VPS13B: variants seen among roughly 807,000 people sequenced by gnomAD.
VPS13B encodes the protein vacuolar protein sorting 13 homolog B.
Under a neutral mutation model 426.4 loss-of-function variants are expected in VPS13B, and 285 were observed. That is an observed-to-expected ratio of 0.67 (90% CI 0.61 to 0.74). The LOEUF (loss-of-function observed/expected upper bound fraction) is 0.74, where lower values mean the gene tolerates loss of function less well. Ranked by LOEUF, VPS13B falls within the 30% of genes least tolerant of loss-of-function variation. VPS13B has a pLI of 0.00. For synonymous variants in VPS13B, 1,676 were observed against 1,676.4 expected (o/e 1.00, Z 0.01); for missense variants, 4,537 against 4,782.6 (o/e 0.95, Z 1.51).
At position 99,621,820 on chromosome 8, in the gene VPS13B, CTTTTTTTTTTT is replaced by C. The variant is rs749078781; in HGVS notation, c.5221-19977_5221-19967del. On this transcript the variant is annotated intron_variant, in intron 33 of 61. Transcript: ENST00000357162. ...TGTTTGTTTGTTTTTTGTTTTGTTT[CTTTTTTTTTTT>C]TTTTTTTTTTTTTGAGACAGAGTCT... 4.0e-3 allele frequency among the ~76,000 whole-genome samples: 330 copies of C among 83,250 alleles called. 4 individuals are homozygous for C. The highest frequency in any genetic ancestry group is 4.2e-3 in the Non-Finnish European group (193 of 45,498). The allele number at this position is 83,250 out of a possible 152,430, so 54.6% of individuals were successfully genotyped here. A position where few individuals can be genotyped will look rare whatever the true frequency, so the allele number is the denominator to read the frequency against.
intron 16 of VPS13B, among the ~76,000 whole-genome samples, chr8:99,190,434 A>G (rs758285048): frequency 1.3e-4 from 19 of 151,588 alleles, no homozygotes; most frequent in Non-Finnish European, 2.4e-4. Flanking sequence ...GTTTAGTTCT[A>G]GTATCTTGCT....
chr8:99,567,667 G>A (rs1050709671), intron 31 of VPS13B, among the ~76,000 whole-genome samples: 2 of 152,016 alleles, frequency 1.3e-5, no homozygotes, highest in African/African-American at 4.8e-5. Flanking sequence ...AGCACCTTGA[G>A]ATAAAAGATT....
intron 21 of VPS13B, among the ~76,000 whole-genome samples, chr8:99,419,003 C>T (rs1027121697): frequency 6.6e-6 from 1 of 152,192 alleles, no homozygotes; most frequent in Non-Finnish European, 1.5e-5. Context: ...TTCTCATTAT[C>T]TCAGGGAACC....
intron 2 of VPS13B, among the ~76,000 whole-genome samples, chr8:99,032,478 T>C (rs1210749401): frequency 6.6e-6 from 1 of 151,968 alleles, no homozygotes; most frequent in East Asian, 1.9e-4. Flanking sequence ...TGTTCTATTT[T>C]AATTCCTTTA....
chr8:99,567,106 T>G (rs185204066), intron 31 of VPS13B, among the ~76,000 whole-genome samples: 129 of 152,286 alleles, frequency 8.5e-4, no homozygotes, highest in African/African-American at 2.9e-3. Context: ...CTCCTGACCT[T>G]CTCTCCCTTA....
At chr8:99,737,362 CGCCTGCCTCG>C (rs1237001890) in intron 39 of VPS13B, among the ~76,000 whole-genome samples, 1 of 151,594 alleles carries the variant, frequency 6.6e-6, no homozygotes, top group Non-Finnish European at 1.5e-5. Context: ...CCTCGGGATC[CGCCTGCCTCG>C]GCCTCCCAAA....
chr8:99,647,558 G>A (rs1374897581), intron 34 of VPS13B, among the ~76,000 whole-genome samples: 4 of 146,432 alleles, frequency 2.7e-5, no homozygotes, highest in Admixed American at 1.4e-4. Context: ...CAGCCTGGGC[G>A]AGAGAGCAAG....
At chr8:99,313,026 T>C (rs796934262) in intron 19 of VPS13B, among the ~76,000 whole-genome samples, 7 of 152,336 alleles carry the variant, frequency 4.6e-5, no homozygotes, top group African/African-American at 1.7e-4. Context: ...CATCAGGTCA[T>C]TTAAGGACTT....
intron 33 of VPS13B, among the ~76,000 whole-genome samples, chr8:99,601,141 C>T (rs1490585916): frequency 6.6e-6 from 1 of 151,972 alleles, no homozygotes; most frequent in Non-Finnish European, 1.5e-5. Flanking sequence ...TAATGCTATA[C>T]CTCCCCTAGC....
At chr8:99,524,123 A>C (rs1165964776) in intron 30 of VPS13B, among the ~76,000 whole-genome samples, 1 of 152,136 alleles carries the variant, frequency 6.6e-6, no homozygotes, top group Non-Finnish European at 1.5e-5. Flanking sequence ...GAGTCTCTTA[A>C]CAGCAAAATT....
At chr8:99,465,676 A>C (rs2133504768) in intron 23 of VPS13B, among the ~76,000 whole-genome samples, 1 of 152,230 alleles carries the variant, frequency 6.6e-6, no homozygotes, top group East Asian at 1.9e-4. Flanking sequence ...TTTAAGACAA[A>C]TTTGGCAGAG....
intron 34 of VPS13B, among the ~76,000 whole-genome samples, chr8:99,659,694 T>C (rs1830150316): frequency 6.6e-6 from 1 of 152,214 alleles, no homozygotes; most frequent in South Asian, 2.1e-4. Context: ...GTCTTACTTG[T>C]CAGTTTTTTA....
chr8:99,658,811 TG>T, intron 34 of VPS13B, among the ~76,000 whole-genome samples: 1 of 152,062 alleles, frequency 6.6e-6, no homozygotes, highest in Non-Finnish European at 1.5e-5. Flanking sequence ...TTGTTGTTGT[TG>T]TTTTTGTTTT....
intron 19 of VPS13B, among the ~76,000 whole-genome samples, chr8:99,282,412 A>G (rs1241666632): frequency 1.3e-5 from 2 of 152,112 alleles, no homozygotes; most frequent in African/African-American, 2.4e-5. Flanking sequence ...TTCAGTTGCT[A>G]TTTGTCTTGA....
rs1287791786 is a variant in VPS13B at position 99,511,244 on chromosome 8, C to T, written c.4365C>T (p.Gly1455=). 6.2e-7 allele frequency: 1 copy of T among 1,613,950 alleles called. No individual in the cohort carries two copies. The highest frequency in any genetic ancestry group is 8.5e-7 in the Non-Finnish European group (1 of 1,179,992). ...GAAGTTTTCATAAGTTATCTGAAGG[C>T]CTAATGGATGGTTCTCCTCATTTTC... ...ERRSFHKLSE[G]LMDGSPHFLH... is the part of the protein sequence containing the mutation. The change falls in exon 29 of 62, where the codon GGC becomes GGT. Residue 1455 remains glycine (G), a synonymous_variant. Transcript: ENST00000357162.
chr8:99,557,886 A>G (rs1824675815), intron 31 of VPS13B, among the ~76,000 whole-genome samples: 1 of 152,172 alleles, frequency 6.6e-6, no homozygotes, highest in Non-Finnish European at 1.5e-5. Context: ...TTGTAAAACT[A>G]GAGGTCTTTA....
rs551360124 is a variant in VPS13B, at chr8:99,338,819, T to C, written c.2825-45389T>C. Among the ~76,000 whole-genome samples the C allele has an allele frequency of 2.6e-5, 4 of 152,318 alleles. No homozygotes were observed. The East Asian group carries it at 7.7e-4, about 29-fold the overall frequency. ...TACCATGATAAAATTTTAGTATCTT[T>C]GATTAATAATGAGGTCCATTACATA... On this transcript the variant is annotated intron_variant, in intron 19 of 61. Transcript: ENST00000357162.
At chr8:99,532,350 A>C (rs1822976246) in intron 30 of VPS13B, among the ~76,000 whole-genome samples, 1 of 152,164 alleles carries the variant, frequency 6.6e-6, no homozygotes, top group Non-Finnish European at 1.5e-5. Flanking sequence ...TTCTCATAAA[A>C]CATGTCTACA....
chr8:99,362,144 T>A (rs1467710597), intron 19 of VPS13B, among the ~76,000 whole-genome samples: 3 of 146,140 alleles, frequency 2.1e-5, no homozygotes, highest in Admixed American at 2.0e-4. Context: ...TTTGTCTTTT[T>A]TTTTTTTTTT....
Sources: gnomAD v4.1 joint callset for allele counts (sites outside exome capture counted in the v4.1 genomes callset) on GRCh38, gnomAD v4.1.1 for gene constraint, MANE v1.5 for transcripts, NCBI Gene and HGNC (gene_info 2026-07-23, HGNC 2026-07-21) for gene names.